The following GSPT1 variants were observed in gnomAD, a reference collection of about 807,000 sequenced individuals.
GSPT1 encodes G1 to S phase transition 1.
A neutral mutation model predicts 72.5 loss-of-function variants in GSPT1; 20 were observed. The ratio of observed to expected loss-of-function variants is 0.28; its 90% CI spans 0.19 to 0.40. GSPT1 has a LOEUF of 0.40. GSPT1 is among the 10% of genes least tolerant of loss of function. The pLI is 1.00. For synonymous variants in GSPT1, 334 were observed against 293.5 expected (o/e 1.14, Z -1.41); for missense variants, 580 against 811.9 (o/e 0.71, Z 3.47).
At chr16:11,913,673 T>C (rs1036654443) in intron 1 of GSPT1, among the ~76,000 whole-genome samples, 2 of 152,060 alleles carry the variant, frequency 1.3e-5, no homozygotes, top group Admixed American at 6.6e-5. Context: ...AGAAAGAAAA[T>C]GGCTGGATAA....
At chr16:11,892,107 G>T (rs2054269033) in intron 5 of GSPT1, among the ~76,000 whole-genome samples, 1 of 151,842 alleles carries the variant, frequency 6.6e-6, no homozygotes, top group African/African-American at 2.4e-5. Flanking sequence ...ACTTTGGGAG[G>T]CTGAGGTGGG....
chr16:11,892,657 T>C (rs753530468), intron 5 of GSPT1, among the ~76,000 whole-genome samples: 3 of 150,072 alleles, frequency 2.0e-5, no homozygotes, highest in Non-Finnish European at 4.4e-5. Context: ...TGAAACCTCA[T>C]CTCTACTAAA....
intron 1 of GSPT1, among the ~76,000 whole-genome samples, chr16:11,901,760 C>G (rs2054409591): frequency 6.6e-6 from 1 of 151,808 alleles, no homozygotes; most frequent in Admixed American, 6.6e-5. Context: ...CCACCGCACT[C>G]TAGCCTGGGT....
At chr16:11,914,689 C>G (rs33620) in intron 1 of GSPT1, among the ~76,000 whole-genome samples, 70,558 of 152,080 alleles carry the variant, frequency 0.46, 17,819 homozygotes, top group East Asian at 0.77. Context: ...TCAATATAGT[C>G]TCCTATCACA....
chr16:11,889,516 A>G (rs975054672), intron 6 of GSPT1, among the ~76,000 whole-genome samples: 1 of 144,470 alleles, frequency 6.9e-6, no homozygotes, highest in African/African-American at 2.6e-5. Flanking sequence ...TTTTGTATAT[A>G]TATTTTTTGA....
Position 11,877,503 on chromosome 16 carries a change from G to C in GSPT1, c.1506C>G (p.Ile502Met). Residue 502 changes from isoleucine to methionine, a missense_variant, in exon 12 of 15, where the codon ATC (isoleucine) becomes ATG (methionine). Physicochemically the swap from Ile to Met is conservative, Grantham distance 10 (BLOSUM62 1). Transcript: ENST00000434724. This position sits in a 1 kb window ranked among gnomAD's most constrained non-coding sequence, Gnocchi z 4.0. The part of the protein sequence containing the change: ...DTVAPGENLK[I>M]RLKGIEEEEI... ...CCTCTTCTTCAATTCCTTTCAGTCT[G>C]ATTTTGAGGTTTTCACCTGGGGCTA... 6.2e-7 allele frequency: 1 copy of C among 1,609,864 alleles called. No homozygotes were observed.
chr16:11,895,329 G>C (rs2141299950), intron 4 of GSPT1: 1 of 185,332 alleles, frequency 5.4e-6, no homozygotes, highest in Admixed American at 5.8e-5. Flanking sequence ...TACTTGGGAA[G>C]CTGAGGCAGG....
chr16:11,889,498 C>T (rs1024789691), intron 6 of GSPT1, among the ~76,000 whole-genome samples: 10 of 149,890 alleles, frequency 6.7e-5, no homozygotes, highest in African/African-American at 2.2e-4. Flanking sequence ...CCACCACGCC[C>T]GGCTACTTTT....
intron 1 of GSPT1, 92 bp downstream of exon 1, chr16:11,915,277 G>C (rs2054617262): frequency 1.6e-6 from 2 of 1,217,108 alleles, no homozygotes; most frequent in Admixed American, 4.4e-5. Context: ...CGTGCCGACC[G>C]GGCCCCAGGG....
chr16:11,898,004 T>G lies in GSPT1; in HGVS notation c.384A>C (p.Ser128=). 6.4e-7 allele frequency: 1 copy of G among 1,551,354 alleles called. No homozygotes were observed. Among genetic ancestry groups the G allele is most frequent in the Non-Finnish European group, 8.7e-7 (1 of 1,144,504 alleles). Reference sequence around the variant, plus strand: ...AGAGTACATCATTACCTTCACACAATGACTGTTCCTCTTGAGAGGATTCCA... The same window carrying G: ...AGAGTACATCATTACCTTCACACAAGGACTGTTCCTCTTGAGAGGATTCCA... ...APVESSQEEQ[S]LCEGSNSAVS... Residue 128 remains serine (S), a synonymous_variant, in exon 2 of 15, where the codon TCA becomes TCC. Coordinates refer to ENST00000434724, the MANE Select transcript of GSPT1 (RefSeq NM_002094.4).
At position 11,873,133 on chromosome 16, in the gene GSPT1, G is replaced by A. The variant is rs1389131728; in HGVS notation, c.1900C>T (p.Pro634Ser). The change falls in exon 15 of 15, where the codon CCA becomes TCA. Residue 634 changes from proline to serine, a missense_variant. By Grantham distance (74) the Pro-to-Ser change is moderately conservative. This residue lies in a region of GSPT1 where 120 missense variants were observed against 242.5 expected (regional missense o/e 0.49). Transcript: ENST00000434724. ...CAAGAAAATGCTTAGTCTTTCTCTG[G>A]AACCAGTTTCAGAACTTTTCCAATT... ...IAIGKVLKLV[P>S]EKD 2 of 1,597,938 alleles carry A rather than the reference G, an allele frequency of 1.3e-6. No homozygotes were observed. The highest frequency in any genetic ancestry group is 1.7e-6 in the Non-Finnish European group (2 of 1,165,808).
intron 8 of GSPT1, 82 bp downstream of exon 8, chr16:11,886,694 AG>A (rs1344635205): frequency 1.3e-6 from 2 of 1,546,530 alleles, no homozygotes; most frequent in Non-Finnish European, 1.8e-6. Context: ...ATTAAGGTTT[AG>A]AAAAACCCTA....
chr16:11,881,809 G>C (rs929580820), intron 11 of GSPT1: 1 of 151,804 alleles, frequency 6.6e-6, no homozygotes, highest in Non-Finnish European at 1.5e-5. Context: ...CCACAGGCAC[G>C]TATCACCACA....
intron 1 of GSPT1, among the ~76,000 whole-genome samples, chr16:11,906,672 A>G (rs2054494424): frequency 1.3e-5 from 2 of 152,186 alleles, no homozygotes. Flanking sequence ...TAAATTAACT[A>G]TGTGGTTCAT....
rs1304385459 is a variant in GSPT1, at chr16:11,875,869, C to T, written c.1753G>A (p.Val585Ile). The change falls in exon 14 of 15, where the codon GTC becomes ATC. Residue 585 changes from valine to isoleucine, a missense_variant. Physicochemically the swap from Val to Ile is conservative, Grantham distance 29. Transcript: ENST00000434724. ...GEKSKTRPRF[V>I]KQDQVCIARL... Reference sequence around the variant, plus strand: ...GCAATGCATACTTGATCTTGTTTGACAAAACGGGGTCGGGTCTTACTTTTT... The same window carrying T: ...GCAATGCATACTTGATCTTGTTTGATAAAACGGGGTCGGGTCTTACTTTTT... 7 of 1,613,632 alleles carry T rather than the reference C, an allele frequency of 4.3e-6. No homozygotes were observed. Among genetic ancestry groups the T allele is most frequent in the Non-Finnish European group, 5.9e-6 (7 of 1,179,832 alleles).
chr16:11,911,551 ATTTTT>A (rs3971907), intron 1 of GSPT1, among the ~76,000 whole-genome samples: 13 of 108,398 alleles, frequency 1.2e-4, no homozygotes, highest in African/African-American at 3.1e-4. Context: ...ACACCCAGCT[ATTTTT>A]TTTTTTTTTT....
chr16:11,901,889 A>G (rs527739354), intron 1 of GSPT1, among the ~76,000 whole-genome samples: 30 of 151,958 alleles, frequency 2.0e-4, no homozygotes, highest in Admixed American at 1.9e-3. Context: ...TGAGGTCAGG[A>G]GTTTGAGACC....
In GSPT1 at chr16:11,883,459, CAA is replaced by C. The variant is rs66922380; in HGVS notation, c.1348-366_1348-365del. Among the ~76,000 whole-genome samples the C allele has an allele frequency of 4.1e-4, 27 of 66,466 alleles. 2 individuals are homozygous for C. The highest frequency in any genetic ancestry group is 5.1e-4 in the Non-Finnish European group (19 of 37,006). 43.6% of individuals were successfully genotyped at this position (66,466 alleles called of 152,430 possible). A position where few individuals can be genotyped will look rare whatever the true frequency, so the allele number is the denominator to read the frequency against. On this transcript the variant is annotated intron_variant, in intron 10 of 14. Coordinates refer to ENST00000434724, the MANE Select transcript of GSPT1 (RefSeq NM_002094.4). The stretch of plus-strand genomic sequence containing the variant: ...CGAAACCCCATCTCTACTAAAAATA[CAA>C]AAAAAAAAAAAATTGCCAGGCACGG...
At chr16:11,894,346 C>T (rs751521250) in intron 5 of GSPT1, among the ~76,000 whole-genome samples, 3 of 151,910 alleles carry the variant, frequency 2.0e-5, no homozygotes, top group Non-Finnish European at 1.5e-5. Flanking sequence ...AGGCCAGCCA[C>T]GGTCATTTCA....
Sources: gnomAD v4.1 joint callset for allele counts (sites outside exome capture counted in the v4.1 genomes callset) on GRCh38, gnomAD v4.1.1 for gene constraint, gnomAD v4.1.1 regional missense constraint, Gnocchi (gnomAD v3.1) non-coding constraint, MANE v1.5 for transcripts, NCBI Gene and HGNC (gene_info 2026-07-23, HGNC 2026-07-21) for gene names.